FHIP1A: variants seen among roughly 807,000 people sequenced by gnomAD.
FHIP1A encodes the protein FHF complex subunit HOOK interacting protein 1A, also known as FHF complex subunit HOOK-interacting protein 1A.
Under a neutral mutation model 88.6 loss-of-function variants are expected in FHIP1A, and 61 were observed. The ratio of observed to expected loss-of-function variants is 0.69; its 90% CI spans 0.56 to 0.85. The LOEUF is 0.85. FHIP1A is among the 40% of genes least tolerant of loss of function. The probability of loss-of-function intolerance (pLI) is 0.00; values close to 1 mark genes in which losing one functional copy is unlikely to be tolerated. For synonymous variants in FHIP1A, 478 were observed against 496.0 expected, an observed-to-expected ratio of 0.96 and a Z score of 0.48; for missense variants, 1,154 against 1,273.5, an observed-to-expected ratio of 0.91 and a Z score of 1.43.
intron 3 of FHIP1A, among the ~76,000 whole-genome samples, chr4:151,565,629 C>T (rs1018859932): frequency 6.6e-6 from 1 of 152,048 alleles, no homozygotes; most frequent in African/African-American, 2.4e-5. Context: ...TTTTATAACA[C>T]CTCCCCCAAG....
At position 151,546,051 on chromosome 4, in the gene FHIP1A, C is replaced by G. The variant is rs1732490551; in HGVS notation, c.-122-20087C>G. Among the ~76,000 whole-genome samples, 3 of 152,190 alleles carry G rather than the reference C, an allele frequency of 2.0e-5. No homozygotes were observed. The South Asian group carries it at 6.2e-4, about 32-fold the overall frequency. ...GGAGATCAGTATGTGGGTGGGTGGG[C>G]AGACTAGTGGGGTACATCTGCCCTG... On this transcript the variant is annotated intron_variant, in intron 3 of 13. Transcript: ENST00000435205.
chr4:151,641,840 T>C (rs1195400820), intron 9 of FHIP1A, among the ~76,000 whole-genome samples: 1 of 152,226 alleles, frequency 6.6e-6, no homozygotes, highest in African/African-American at 2.4e-5. Context: ...CCTTTTTGTT[T>C]GTTGCTGCCA....
intron 3 of FHIP1A, among the ~76,000 whole-genome samples, chr4:151,508,957 C>T (rs1298636704): frequency 6.6e-6 from 1 of 152,184 alleles, no homozygotes; most frequent in Admixed American, 6.5e-5. Context: ...CTTAAAACAA[C>T]AGTTTTTCCT....
intron 3 of FHIP1A, among the ~76,000 whole-genome samples, chr4:151,550,023 G>A (rs565831667): frequency 1.2e-4 from 19 of 152,240 alleles, no homozygotes; most frequent in Non-Finnish European, 2.8e-4. Flanking sequence ...ACAAGTGAGT[G>A]ACAGGATGAT....
chr4:151,494,025 A>G (rs1730376400), intron 3 of FHIP1A, among the ~76,000 whole-genome samples: 1 of 152,236 alleles, frequency 6.6e-6, no homozygotes, highest in Non-Finnish European at 1.5e-5. Context: ...GTAAAGAGGA[A>G]GTCAAATTGT....
chr4:151,612,712 C>T (rs530436280), intron 7 of FHIP1A, among the ~76,000 whole-genome samples: 25 of 152,222 alleles, frequency 1.6e-4, no homozygotes, highest in African/African-American at 6.0e-4. Context: ...GTCCTTTCCT[C>T]CTGTTAAGTC....
chr4:151,440,673 G>A (rs1039036824), intron 1 of FHIP1A, among the ~76,000 whole-genome samples: 4 of 152,090 alleles, frequency 2.6e-5, no homozygotes, highest in Non-Finnish European at 5.9e-5. Flanking sequence ...GTCACACAAG[G>A]TAGATGGAGC....
intron 3 of FHIP1A, among the ~76,000 whole-genome samples, chr4:151,527,844 G>A (rs910160937): frequency 6.6e-6 from 1 of 152,042 alleles, no homozygotes; most frequent in African/African-American, 2.4e-5. Context: ...TAGCTTCAAA[G>A]ATTCTGATTT....
intron 1 of FHIP1A, among the ~76,000 whole-genome samples, chr4:151,453,952 A>G (rs1164786519): frequency 6.6e-6 from 1 of 152,218 alleles, no homozygotes; most frequent in Non-Finnish European, 1.5e-5. Flanking sequence ...ATTTCATCCT[A>G]TGAATATATA....
intron 7 of FHIP1A, among the ~76,000 whole-genome samples, chr4:151,605,705 A>G (rs1735047403): frequency 1.3e-5 from 2 of 152,222 alleles, no homozygotes; most frequent in Admixed American, 1.3e-4. Context: ...TTGTCTTCCA[A>G]ACATGCACAT....
intron 10 of FHIP1A, among the ~76,000 whole-genome samples, chr4:151,647,518 A>G (rs1401471743): frequency 1.3e-5 from 2 of 152,210 alleles, no homozygotes; most frequent in Non-Finnish European, 2.9e-5. Flanking sequence ...CCACCCAGCT[A>G]TAATTTTCTT....
intron 1 of FHIP1A, among the ~76,000 whole-genome samples, chr4:151,419,568 C>CTTTTTTTTTT (rs70941499): frequency 1.0e-3 from 23 of 21,988 alleles, no homozygotes; most frequent in African/African-American, 2.4e-3. Context: ...GTTCCTCATT[C>CTTTTTTTTTT]TTTTTTTTTT....
intron 5 of FHIP1A, among the ~76,000 whole-genome samples, chr4:151,583,313 T>C (rs1357419405): frequency 1.3e-5 from 2 of 152,240 alleles, no homozygotes; most frequent in Admixed American, 6.5e-5. Flanking sequence ...GCACTTTTTG[T>C]AGTGGCAGGA....
At chr4:151,573,653 A>G (rs1420953565) in intron 4 of FHIP1A, among the ~76,000 whole-genome samples, 1 of 152,020 alleles carries the variant, frequency 6.6e-6, no homozygotes, top group Non-Finnish European at 1.5e-5. Flanking sequence ...GTCAAGGTTG[A>G]GAGTATAAGA....
intron 7 of FHIP1A, among the ~76,000 whole-genome samples, chr4:151,612,374 ATGTTTT>A (rs749847037): frequency 6.6e-6 from 1 of 151,882 alleles, no homozygotes; most frequent in Non-Finnish European, 1.5e-5. Flanking sequence ...GGGTACCCAT[ATGTTTT>A]TGTTTTTGTT....
chr4:151,482,362 C>T (rs1471872181), intron 2 of FHIP1A, among the ~76,000 whole-genome samples, 162 bp from the exon 3 acceptor site: 1 of 151,826 alleles, frequency 6.6e-6, no homozygotes, highest in African/African-American at 2.4e-5. Flanking sequence ...TAAAGATTTG[C>T]TTTTTGCTTA....
In FHIP1A at chr4:151,577,450, G is replaced by T. The variant is rs199902938; in HGVS notation, c.106G>T (p.Val36Phe). The change falls in exon 5 of 14, where the codon GTT (valine) becomes TTT (phenylalanine). Residue 36 changes from valine (V) to phenylalanine (F), a missense_variant and splice_region_variant. Transcript: ENST00000435205. Reference sequence around the variant, plus strand: ...TGACAAATGCTTGACTTGGTTACAGGTTGTGAAAATCTTGGAGAAGCACGA... The same window carrying T: ...TGACAAATGCTTGACTTGGTTACAGTTTGTGAAAATCTTGGAGAAGCACGA... The part of the protein sequence containing the change: ...MIVFKNHWAQ[V>F]VKILEKHDPL... The T allele has an allele frequency of 3.9e-6, 6 of 1,529,634 alleles. No individual in the cohort carries two copies. Among genetic ancestry groups the T allele is most frequent in the East Asian group, 2.5e-5 (1 of 40,500 alleles). The allele number at this position is 1,529,634 out of a possible 1,614,324, so 94.8% of individuals were successfully genotyped here.
Position 151,664,590 on chromosome 4 carries a change from C to T in FHIP1A, c.*1836C>T, listed in dbSNP as rs545966480. 2.0e-5 allele frequency among the ~76,000 whole-genome samples: 3 copies of T among 152,330 alleles called. No individual in the cohort carries two copies. The highest frequency in any genetic ancestry group is 7.2e-5 in the African/African-American group (3 of 41,578). ...TGAAGCACAGCAGACTGGTCTGCTT[C>T]TGGCTTCCTGATGTCTGGTTGTATT... is the stretch of plus-strand genomic sequence containing the variant. On this transcript the variant is annotated 3_prime_UTR_variant, in exon 14 of 14. Coordinates refer to ENST00000435205, the MANE Select transcript of FHIP1A (RefSeq NM_001109977.3).
intron 9 of FHIP1A, among the ~76,000 whole-genome samples, chr4:151,644,298 A>G (rs1194686235): frequency 2.0e-5 from 3 of 151,912 alleles, no homozygotes; most frequent in Non-Finnish European, 4.4e-5. Flanking sequence ...ACCCAACACA[A>G]AAAGTATCAC....
Sources: allele counts gnomAD v4.1 joint callset (sites outside exome capture counted in the v4.1 genomes callset), GRCh38; gene constraint gnomAD v4.1.1; transcripts MANE v1.5; gene names NCBI Gene and HGNC (gene_info 2026-07-23, HGNC 2026-07-21).